Variants in KLF8 observed in about 807,000 individuals in gnomAD.
The protein encoded by KLF8 is Krueppel-like factor 8.
A neutral mutation model predicts 18.2 loss-of-function variants in KLF8; 10 were observed. That is an observed-to-expected ratio of 0.55 (90% CI 0.34 to 0.93). The LOEUF is 0.93. Among genes scored for constraint, KLF8 ranks in the 40% least tolerant of loss-of-function variants. The pLI is 0.02. For synonymous variants in KLF8, 109 were observed against 97.3 expected, an observed-to-expected ratio of 1.12 and a Z score of -0.71; for missense variants, 264 against 277.9, an observed-to-expected ratio of 0.95 and a Z score of 0.36.
the KLF8 span, among the ~76,000 whole-genome samples, chrX:56,174,712 A>T: frequency 9.0e-6 from 1 of 111,154 alleles, no homozygotes; most frequent in Admixed American, 9.6e-5. Flanking sequence ...TTCGGCTGTG[A>T]ATCTATCTGG....
At chrX:56,260,960 G>A (rs1182876118) in intron 2 of KLF8, among the ~76,000 whole-genome samples, 1 of 111,418 alleles carries the variant, frequency 9.0e-6, no homozygotes, top group East Asian at 2.8e-4. Context: ...CCACTTTCAA[G>A]CTCCACATCA....
At chrX:56,051,913 A>G in the KLF8 span, among the ~76,000 whole-genome samples, 2 of 109,617 alleles carry the variant, frequency 1.8e-5, no homozygotes, top group Non-Finnish European at 3.8e-5. Flanking sequence ...CACCAATCAG[A>G]TGTAGATTTG....
At chrX:56,104,172 T>C in the KLF8 span, among the ~76,000 whole-genome samples, 2 of 111,191 alleles carry the variant, frequency 1.8e-5, no homozygotes, top group Non-Finnish European at 3.8e-5. Context: ...TCTGAAATTC[T>C]CTTTTTTTTG....
the KLF8 span, among the ~76,000 whole-genome samples, chrX:55,945,353 G>C: frequency 4.2e-4 from 47 of 111,229 alleles, no homozygotes; most frequent in Middle Eastern, 9.2e-3. Context: ...AGGTCCACTT[G>C]GTGCAGAGCT....
intron 1 of KLF8, among the ~76,000 whole-genome samples, chrX:56,236,961 G>GGATA (rs2066482774): frequency 1.3e-5 from 1 of 75,226 alleles, no homozygotes; most frequent in African/African-American, 7.3e-5. Flanking sequence ...ATAGATAGAT[G>GGATA]GATATATATA....
chrX:55,990,299 T>A, the KLF8 span, among the ~76,000 whole-genome samples: 1 of 112,017 alleles, frequency 8.9e-6, no homozygotes, highest in Admixed American at 9.4e-5. Context: ...TGTTAGGGTG[T>A]CAATTTTAGA....
At chrX:55,994,293 T>A in the KLF8 span, among the ~76,000 whole-genome samples, 1 of 110,253 alleles carries the variant, frequency 9.1e-6, no homozygotes, top group Admixed American at 9.6e-5. Flanking sequence ...TCATTTCTGA[T>A]AGTGTTTATT....
chrX:56,022,234 C>T, the KLF8 span, among the ~76,000 whole-genome samples: 85 of 110,624 alleles, frequency 7.7e-4, no homozygotes, highest in Admixed American at 2.1e-3. Context: ...TGCAGAAATC[C>T]ATGGAGCCTT....
At chrX:56,088,075 G>A in the KLF8 span, among the ~76,000 whole-genome samples, 27 of 111,462 alleles carry the variant, frequency 2.4e-4, no homozygotes, top group African/African-American at 8.8e-4. Flanking sequence ...GTGTAGTGAT[G>A]ATTTGGGAAA....
chrX:56,076,149 T>C, the KLF8 span, among the ~76,000 whole-genome samples: 1 of 110,961 alleles, frequency 9.0e-6, no homozygotes, highest in African/African-American at 3.3e-5. Context: ...CATAATTTTT[T>C]TTTATTATAC....
chrX:56,070,579 A>G, the KLF8 span, among the ~76,000 whole-genome samples: 2 of 110,911 alleles, frequency 1.8e-5, no homozygotes, highest in Non-Finnish European at 3.8e-5. Flanking sequence ...CCCAAACACT[A>G]CATGTTCTCA....
chrX:56,233,011 G>A lies in KLF8; in HGVS notation c.-324G>A. 1 of 323,263 alleles carries A rather than the reference G, an allele frequency of 3.1e-6. No homozygotes were observed. Among genetic ancestry groups the A allele is most frequent in the Admixed American group, 4.5e-5 (1 of 22,209 alleles). The allele number at this position is 323,263 out of a possible 1,213,427, so 26.6% of individuals were successfully genotyped here. A position where few individuals can be genotyped will look rare whatever the true frequency, so the allele number is the denominator to read the frequency against. On this transcript the variant is annotated 5_prime_UTR_variant, in exon 1 of 6. Coordinates refer to ENST00000468660, the MANE Select transcript of KLF8 (RefSeq NM_007250.5). The stretch of plus-strand genomic sequence containing the variant: ...ATTTTTGTCCAAGGAAAAGCTGCAG[G>A]GGGGAGGATTCTTTTTAGGAAGTCT...
chrX:56,213,732 G>T, the KLF8 span, among the ~76,000 whole-genome samples: 1 of 111,365 alleles, frequency 9.0e-6, no homozygotes, highest in East Asian at 2.8e-4. Flanking sequence ...TGTCACCCCA[G>T]AAGCCCCAGA....
the KLF8 span, among the ~76,000 whole-genome samples, chrX:55,989,527 C>A: frequency 8.9e-6 from 1 of 112,324 alleles, no homozygotes; most frequent in African/African-American, 3.2e-5. Context: ...ATATGTTGAA[C>A]CAGCCTTGCA....
the KLF8 span, among the ~76,000 whole-genome samples, chrX:55,933,900 A>T: frequency 2.7e-5 from 3 of 112,100 alleles, no homozygotes; most frequent in African/African-American, 9.7e-5. Context: ...GACATTTACT[A>T]TATTGCCTTA....
chrX:56,166,073 A>C, the KLF8 span, among the ~76,000 whole-genome samples: 1 of 110,448 alleles, frequency 9.1e-6, no homozygotes, highest in Admixed American at 9.7e-5. Flanking sequence ...TTGAAGTAAA[A>C]CAGCATTCAA....
chrX:56,058,406 G>A, the KLF8 span, among the ~76,000 whole-genome samples: 3 of 94,321 alleles, frequency 3.2e-5, no homozygotes, highest in East Asian at 1.0e-3. Context: ...TTGTTACATA[G>A]GTATACACAT....
the KLF8 span, among the ~76,000 whole-genome samples, chrX:56,151,260 G>A: frequency 1.8e-5 from 2 of 111,376 alleles, no homozygotes; most frequent in Non-Finnish European, 3.8e-5. Context: ...GTAAGGTAGG[G>A]ATGTAGTCTT....
the KLF8 span, among the ~76,000 whole-genome samples, chrX:56,119,992 C>CTATA: frequency 2.6e-4 from 27 of 105,728 alleles, 1 homozygote; most frequent in African/African-American, 7.9e-4. Flanking sequence ...TTTAGAAAGG[C>CTATA]TATATATATA....
Sources: allele counts gnomAD v4.1 joint callset (sites outside exome capture counted in the v4.1 genomes callset), GRCh38; gene constraint gnomAD v4.1.1; transcripts MANE v1.5; gene names NCBI Gene and HGNC (gene_info 2026-07-23, HGNC 2026-07-21).